The following FAM107B variants were observed in gnomAD, a reference collection of about 807,000 sequenced individuals.
The protein encoded by FAM107B is protein FAM107B.
FAM107B carries 21 observed loss-of-function variants against 31.5 expected under a neutral mutation model. That is an observed-to-expected ratio of 0.67 (90% CI 0.47 to 0.96). The LOEUF is 0.96. Ranked by LOEUF, FAM107B falls within the 40% of genes least tolerant of loss-of-function variation. The probability of loss-of-function intolerance (pLI) is 0.00; values close to 1 mark genes in which losing one functional copy is unlikely to be tolerated. For synonymous variants in FAM107B, 157 were observed against 141.5 expected, an observed-to-expected ratio of 1.11 and a Z score of -0.78; for missense variants, 452 against 377.1, an observed-to-expected ratio of 1.20 and a Z score of -1.64.
At chr10:14,604,114 A>ACCCC in intron 2 of FAM107B, 5 of 340,932 alleles carry the variant, frequency 1.5e-5, no homozygotes, top group Non-Finnish European at 1.9e-5. Flanking sequence ...GCGCACGGGG[A>ACCCC]CCCCCCACCC....
chr10:14,662,090 G>T (rs759236628), intron 2 of FAM107B, among the ~76,000 whole-genome samples: 9 of 152,174 alleles, frequency 5.9e-5, no homozygotes, highest in Non-Finnish European at 1.2e-4. Flanking sequence ...CCTATGTGGA[G>T]TTATAAACAT....
chr10:14,708,363 G>A (rs935447448), intron 1 of FAM107B, among the ~76,000 whole-genome samples: 77 of 152,146 alleles, frequency 5.1e-4, no homozygotes, highest in African/African-American at 1.8e-3. Flanking sequence ...TTACAGGCAT[G>A]AGCCACCGCA....
chr10:14,687,190 G>A lies in FAM107B; in HGVS notation c.412-19499C>T, dbSNP rs773199969. On this transcript the variant is annotated intron_variant, in intron 1 of 4. Transcript: ENST00000181796. Reference sequence around the variant, plus strand: ...AAGGCAATGCCATCTAATGGAAAACGAGGGTCAGGAGACACATGTTCCCGT... The same window carrying A: ...AAGGCAATGCCATCTAATGGAAAACAAGGGTCAGGAGACACATGTTCCCGT... Among the ~76,000 whole-genome samples the A allele has an allele frequency of 4.6e-5, 7 of 152,160 alleles. No homozygotes were observed. In the South Asian group the frequency reaches 1.0e-3, roughly 23 times the overall value.
At chr10:14,652,464 C>A (rs889026613) in intron 2 of FAM107B, among the ~76,000 whole-genome samples, 1 of 152,216 alleles carries the variant, frequency 6.6e-6, no homozygotes, top group African/African-American at 2.4e-5. Context: ...CAGGCCTGGA[C>A]TGAGTCCTGG....
At chr10:14,674,123 G>A (rs1460833632) in intron 1 of FAM107B, among the ~76,000 whole-genome samples, 4 of 152,166 alleles carry the variant, frequency 2.6e-5, no homozygotes, top group Non-Finnish European at 5.9e-5. Flanking sequence ...AGACTTAAAC[G>A]TAAGACCCGA....
chr10:14,599,986 G>A (rs929722073), intron 2 of FAM107B, among the ~76,000 whole-genome samples: 4 of 151,918 alleles, frequency 2.6e-5, no homozygotes, highest in African/African-American at 9.7e-5. Flanking sequence ...CCAAAGTCAA[G>A]AGTTCACCTG....
At chr10:14,695,690 A>G (rs1270811358) in intron 1 of FAM107B, among the ~76,000 whole-genome samples, 1 of 152,190 alleles carries the variant, frequency 6.6e-6, no homozygotes, top group Non-Finnish European at 1.5e-5. Flanking sequence ...TTCAGTGTAC[A>G]AATCTTTCAC....
At chr10:14,618,216 C>T (rs984856536) in intron 2 of FAM107B, among the ~76,000 whole-genome samples, 1 of 152,134 alleles carries the variant, frequency 6.6e-6, no homozygotes, top group Non-Finnish European at 1.5e-5. Flanking sequence ...TGAGATTTCT[C>T]TATGTTCTTG....
intron 1 of FAM107B, among the ~76,000 whole-genome samples, chr10:14,766,448 C>T (rs1306446832): frequency 2.0e-5 from 3 of 152,110 alleles, no homozygotes; most frequent in Non-Finnish European, 4.4e-5. Context: ...GGATTAGATG[C>T]TTAGTAGCCT....
intron 2 of FAM107B, among the ~76,000 whole-genome samples, chr10:14,585,992 G>C (rs1252942744): frequency 6.6e-6 from 1 of 152,134 alleles, no homozygotes; most frequent in Non-Finnish European, 1.5e-5. Flanking sequence ...ACTAACTGCT[G>C]ACCCTGGATC....
At chr10:14,524,672 T>A (rs1000386896) in intron 3 of FAM107B, among the ~76,000 whole-genome samples, 6 of 152,244 alleles carry the variant, frequency 3.9e-5, no homozygotes, top group African/African-American at 1.4e-4. Flanking sequence ...CTCAGTTTCA[T>A]GACTATCAAA....
chr10:14,568,958 C>T (rs1298758426), intron 2 of FAM107B, among the ~76,000 whole-genome samples: 3 of 152,160 alleles, frequency 2.0e-5, no homozygotes, highest in African/African-American at 7.2e-5. Context: ...CTGTGGGACA[C>T]AGTGCATAGG....
intron 2 of FAM107B, among the ~76,000 whole-genome samples, chr10:14,544,456 C>T (rs1239718157): frequency 6.6e-6 from 1 of 152,140 alleles, no homozygotes; most frequent in Non-Finnish European, 1.5e-5. Context: ...TTCTTCTTGC[C>T]TACTCCCACC....
At chr10:14,731,898 A>G (rs1185739553) in intron 1 of FAM107B, among the ~76,000 whole-genome samples, 1 of 152,210 alleles carries the variant, frequency 6.6e-6, no homozygotes, top group African/African-American at 2.4e-5. Context: ...ACACAACGAT[A>G]AAATCAGCTA....
In FAM107B at chr10:14,768,941, C is replaced by T. The variant is rs1378810747; in HGVS notation, c.411+5312G>A. On this transcript the variant is annotated intron_variant, in intron 1 of 4. Coordinates refer to ENST00000181796, the MANE Select transcript of FAM107B (RefSeq NM_031453.4). ...GGTTTATTACCATGGCCTTGATGCTCCAACCTTCCTGACTCTAATCCATCC... is the reference window on the plus strand; with the variant it reads ...GGTTTATTACCATGGCCTTGATGCTTCAACCTTCCTGACTCTAATCCATCC... Among the ~76,000 whole-genome samples the T allele has an allele frequency of 2.0e-5, 3 of 152,240 alleles. No individual in the cohort carries two copies. The East Asian group carries it at 5.8e-4, about 29-fold the overall frequency.
intron 2 of FAM107B, among the ~76,000 whole-genome samples, chr10:14,615,232 G>A (rs990432308): frequency 1.3e-5 from 2 of 152,132 alleles, no homozygotes; most frequent in Non-Finnish European, 2.9e-5. Flanking sequence ...GGGAGGCTGA[G>A]GCAGGAGGAC....
intron 2 of FAM107B, among the ~76,000 whole-genome samples, chr10:14,543,707 A>C (rs1202475681): frequency 3.3e-5 from 5 of 151,908 alleles, no homozygotes; most frequent in African/African-American, 1.2e-4. Flanking sequence ...AAAAAAAAAA[A>C]AACCAAAAAC....
intron 2 of FAM107B, among the ~76,000 whole-genome samples, chr10:14,582,797 C>T (rs766929949): frequency 7.2e-5 from 11 of 151,938 alleles, no homozygotes; most frequent in Non-Finnish European, 1.3e-4. Context: ...ATAAGAAAGA[C>T]GAAACTCGCC....
At position 14,672,674 on chromosome 10, in the gene FAM107B, C is replaced by T. The variant is rs533255788; in HGVS notation, c.412-4983G>A. On this transcript the variant is annotated intron_variant, in intron 1 of 4. Coordinates refer to ENST00000181796, the MANE Select transcript of FAM107B (RefSeq NM_031453.4). ...TCCTTGAGGACTAATCCCAAGATGC[C>T]TCATTGAAAGGGCATGTGAAACCAC... Among the ~76,000 whole-genome samples, 23 of 152,248 alleles carry T rather than the reference C, an allele frequency of 1.5e-4. No individual in the cohort carries two copies. In the East Asian group the frequency reaches 4.4e-3, roughly 29 times the overall value.
Sources: allele counts gnomAD v4.1 joint callset (sites outside exome capture counted in the v4.1 genomes callset), GRCh38; gene constraint gnomAD v4.1.1; transcripts MANE v1.5; gene names NCBI Gene and HGNC (gene_info 2026-07-23, HGNC 2026-07-21).